Variants in DENND5B observed in about 807,000 individuals in gnomAD.
DENND5B encodes DENN domain containing 5B, also known as DENN domain-containing protein 5B.
A neutral mutation model predicts 140.6 loss-of-function variants in DENND5B; 34 were observed. That is an observed-to-expected ratio of 0.24 (90% CI 0.18 to 0.32). DENND5B has a LOEUF of 0.32. Ranked by LOEUF, DENND5B falls within the 10% of genes least tolerant of loss-of-function variation. The probability of loss-of-function intolerance (pLI) is 1.00; values close to 1 mark genes in which losing one functional copy is unlikely to be tolerated. For synonymous variants in DENND5B, 551 were observed against 562.1 expected (o/e 0.98, Z 0.28); for missense variants, 1,142 against 1,560.2 (o/e 0.73, Z 4.52).
Position 31,452,406 on chromosome 12 carries a change from T to C in DENND5B, c.1163A>G (p.Asn388Ser), listed in dbSNP as rs1032843258. 23 of 1,613,580 alleles carry C rather than the reference T, an allele frequency of 1.4e-5. No individual in the cohort carries two copies. Among genetic ancestry groups the C allele is most frequent in the South Asian group, 4.4e-5 (4 of 90,912 alleles). The change falls in exon 5 of 21, where the codon AAT becomes AGT. Residue 388 changes from asparagine (N) to serine (S), a missense_variant. Physicochemically the swap from Asn to Ser is conservative, Grantham distance 46. This residue lies in a region of DENND5B where 708 missense variants were observed against 905.5 expected (regional missense o/e 0.78). Coordinates refer to ENST00000389082, the MANE Select transcript of DENND5B (RefSeq NM_144973.4). The stretch of plus-strand genomic sequence containing the variant: ...GAGTTCTTGGATAAAATCCACTTTA[T>C]TGGGGAACTGTGGAAATTCTTCAGG... ...ELPEEFPQFP[N>S]KVDFIQELSE...
intron 7 of DENND5B, among the ~76,000 whole-genome samples, chr12:31,439,730 G>C (rs1943941173): frequency 6.6e-6 from 1 of 151,920 alleles, no homozygotes; most frequent in Non-Finnish European, 1.5e-5. Flanking sequence ...AGGATTTCTA[G>C]ACCAGCCTAA....
chr12:31,395,040 C>T (rs552057566), intron 17 of DENND5B, among the ~76,000 whole-genome samples: 16 of 152,162 alleles, frequency 1.1e-4, no homozygotes, highest in Admixed American at 3.3e-4. Context: ...ATCTGTTTAT[C>T]CTTTCACCAG....
At chr12:31,579,348 T>C (rs745344702) in intron 1 of DENND5B, among the ~76,000 whole-genome samples, 6 of 152,120 alleles carry the variant, frequency 3.9e-5, no homozygotes, top group Non-Finnish European at 5.9e-5. Context: ...ACTCAACCAG[T>C]CATCGCTGCA....
intron 6 of DENND5B, among the ~76,000 whole-genome samples, chr12:31,443,431 G>C (rs1944133727): frequency 6.6e-6 from 1 of 152,126 alleles, no homozygotes; most frequent in Non-Finnish European, 1.5e-5. Context: ...AGTATAAAAA[G>C]TTAACTTTAA....
chr12:31,413,884 G>A (rs1178017511), intron 12 of DENND5B, among the ~76,000 whole-genome samples: 1 of 152,108 alleles, frequency 6.6e-6, no homozygotes, highest in East Asian at 1.9e-4. Context: ...GGTTATTCCT[G>A]ATGCTCCAAA....
Position 31,442,924 on chromosome 12 carries a change from G to T in DENND5B, c.1863C>A (p.Ala621=). ...YQKCSTLKEA[A]QSIEQRLMKM... ...TCATCAGTCTCTGCTCAATTGATTG[G>T]GCTATAAATTAAATTTATAATAAAT... is the stretch of plus-strand genomic sequence containing the variant. Residue 621 remains alanine, a splice_region_variant and synonymous_variant, in exon 7 of 21, where the codon GCC becomes GCA. Coordinates refer to ENST00000389082, the MANE Select transcript of DENND5B (RefSeq NM_144973.4). The T allele has an allele frequency of 1.9e-6, 3 of 1,552,892 alleles. No individual in the cohort carries two copies. The highest frequency in any genetic ancestry group is 2.6e-6 in the Non-Finnish European group (3 of 1,148,932).
intron 15 of DENND5B, among the ~76,000 whole-genome samples, chr12:31,400,839 T>A (rs937536023): frequency 1.3e-4 from 11 of 85,806 alleles, no homozygotes; most frequent in African/African-American, 4.1e-4. Context: ...AGCTACGAGT[T>A]TTTTTTTTTT....
intron 1 of DENND5B, among the ~76,000 whole-genome samples, chr12:31,561,138 C>T (rs928110154): frequency 3.3e-5 from 5 of 151,996 alleles, no homozygotes; most frequent in African/African-American, 1.2e-4. Flanking sequence ...GATCAGTTAC[C>T]AAAAAGGATC....
At chr12:31,579,073 A>G (rs769526914) in intron 1 of DENND5B, among the ~76,000 whole-genome samples, 5 of 152,234 alleles carry the variant, frequency 3.3e-5, no homozygotes, top group Non-Finnish European at 7.3e-5. Context: ...ATAAAGCATT[A>G]TTTCAAAATT....
chr12:31,422,262 CCA>C lies in DENND5B; in HGVS notation c.2470+1333_2470+1334del, dbSNP rs1491214957. On this transcript the variant is annotated intron_variant, in intron 11 of 20. Coordinates refer to ENST00000389082, the MANE Select transcript of DENND5B (RefSeq NM_144973.4). The stretch of plus-strand genomic sequence containing the variant: ...GTGAAACCCCGTCTCTACTAAAAAT[CCA>C]AAAAAAAAAAAAAAAAATAGCTGGG... Among the ~76,000 whole-genome samples, 1,332 of 138,662 alleles carry C rather than the reference CCA, an allele frequency of 9.6e-3. 22 individuals are homozygous for C. The highest frequency in any genetic ancestry group is 0.015 in the African/African-American group (565 of 37,892). The allele number at this position is 138,662 out of a possible 152,430, so 91.0% of individuals were successfully genotyped here.
At chr12:31,445,750 G>C (rs1593183795) in intron 6 of DENND5B, among the ~76,000 whole-genome samples, 1 of 150,802 alleles carries the variant, frequency 6.6e-6, no homozygotes, top group African/African-American at 2.4e-5. Context: ...CAGCACTTTA[G>C]GAAACTGAAG....
intron 1 of DENND5B, among the ~76,000 whole-genome samples, chr12:31,514,344 C>A (rs1947541223): frequency 6.6e-6 from 1 of 152,106 alleles, no homozygotes. Flanking sequence ...AACAAAACCT[C>A]TTAATAGTGA....
chr12:31,558,765 A>G (rs1949380814), intron 1 of DENND5B, among the ~76,000 whole-genome samples: 2 of 152,194 alleles, frequency 1.3e-5, no homozygotes, highest in African/African-American at 4.8e-5. Flanking sequence ...TCTCATGACT[A>G]AGCATTAACT....
At chr12:31,416,800 C>T (rs1240976451) in intron 11 of DENND5B, among the ~76,000 whole-genome samples, 1 of 151,522 alleles carries the variant, frequency 6.6e-6, no homozygotes. Flanking sequence ...AGTTCAAGAC[C>T]AGCCTGGGAA....
At chr12:31,394,903 T>C (rs575740140) in intron 17 of DENND5B, among the ~76,000 whole-genome samples, 8 of 152,154 alleles carry the variant, frequency 5.3e-5, no homozygotes, top group South Asian at 2.1e-4. Flanking sequence ...TGAGCCACCG[T>C]GCCCGGCCTA....
intron 1 of DENND5B, among the ~76,000 whole-genome samples, chr12:31,585,595 T>C (rs76632577): frequency 0.022 from 3,349 of 152,282 alleles, 115 homozygotes; most frequent in African/African-American, 0.076. Flanking sequence ...TAGTCAGGTG[T>C]CTACTGCTGA....
In DENND5B at chr12:31,386,507, A is replaced by G. The variant is rs1400720314; in HGVS notation, c.*1096T>C. 6.6e-6 allele frequency: 1 copy of G among 152,194 alleles called. No individual in the cohort carries two copies. The highest frequency in any genetic ancestry group is 1.5e-5 in the Non-Finnish European group (1 of 68,036). The allele number at this position is 152,194 out of a possible 1,614,324, so 9.4% of individuals were successfully genotyped here. On this transcript the variant is annotated 3_prime_UTR_variant, in exon 21 of 21. Coordinates refer to ENST00000389082, the MANE Select transcript of DENND5B (RefSeq NM_144973.4). ...AAAGGAACGTAAAGCTTGCCCTGAA[A>G]CACCCAGAAAGGGTTCATTCTCTCT... is the stretch of plus-strand genomic sequence containing the variant.
At chr12:31,552,681 T>G (rs917682234) in intron 1 of DENND5B, among the ~76,000 whole-genome samples, 1 of 152,216 alleles carries the variant, frequency 6.6e-6, no homozygotes, top group Admixed American at 6.5e-5. Context: ...AATTTGGCTG[T>G]GAATCCATCT....
At position 31,396,053 on chromosome 12, in the gene DENND5B, C is replaced by CCTGTTTTTTTTTT. The variant is rs1399702795; in HGVS notation, c.3256+2121_3256+2122insAAAAAAAAAACAG. Among the ~76,000 whole-genome samples the CCTGTTTTTTTTTT allele has an allele frequency of 1.9e-5, 2 of 102,844 alleles. 1 individual carries two copies. The highest frequency in any genetic ancestry group is 3.9e-5 in the Non-Finnish European group (2 of 51,544). The allele number at this position is 102,844 out of a possible 152,430, so 67.5% of individuals were successfully genotyped here. ...TAGCTTCTGGTGGCTGTTGGCATTC[C>CCTGTTTTTTTTTT]TTGTTTTTTTTTTTTTTTTTTTTTT... On this transcript the variant is annotated intron_variant, in intron 17 of 20. Transcript: ENST00000389082.
Sources: gnomAD v4.1 joint callset for allele counts (sites outside exome capture counted in the v4.1 genomes callset) on GRCh38, gnomAD v4.1.1 for gene constraint, gnomAD v4.1.1 regional missense constraint, MANE v1.5 for transcripts, NCBI Gene and HGNC (gene_info 2026-07-23, HGNC 2026-07-21) for gene names.